HADHB: variants seen among roughly 807,000 people sequenced by gnomAD.
HADHB encodes the protein trifunctional enzyme subunit beta, mitochondrial.
HADHB carries 50 observed loss-of-function variants against 61.9 expected under a neutral mutation model. The observed-to-expected ratio is 0.81, with a 90% CI of 0.64 to 1.02. The LOEUF (loss-of-function observed/expected upper bound fraction) is 1.02. Ranked by LOEUF, HADHB falls within the 50% of genes least tolerant of loss-of-function variation. HADHB has a pLI of 0.00. For synonymous variants in HADHB, 191 were observed against 201.6 expected, an observed-to-expected ratio of 0.95 and a Z score of 0.45; for missense variants, 504 against 586.5, an observed-to-expected ratio of 0.86 and a Z score of 1.45.
chr2:26,289,978 G>A lies in HADHB; in HGVS notation c.*25G>A. The A allele has an allele frequency of 6.5e-7, 1 of 1,539,448 alleles. No individual in the cohort carries two copies. The highest frequency in any genetic ancestry group is 9.0e-7 in the Non-Finnish European group (1 of 1,112,222). ...ATAGATCCAGAAGAAGTGACCTGAA[G>A]TTTCTGTGCAACACTCACACTAGGC... is the stretch of plus-strand genomic sequence containing the variant. On this transcript the variant is annotated 3_prime_UTR_variant, in exon 16 of 16. Transcript: ENST00000317799.
intron 6 of HADHB, among the ~76,000 whole-genome samples, chr2:26,274,409 A>G (rs1006166230): frequency 6.6e-6 from 1 of 152,204 alleles, no homozygotes; most frequent in Non-Finnish European, 1.5e-5. Context: ...ATTTCATTGT[A>G]CTCAGTATTT....
chr2:26,245,983 C>A (rs1263862551), intron 1 of HADHB, among the ~76,000 whole-genome samples: 1 of 152,146 alleles, frequency 6.6e-6, no homozygotes, highest in Non-Finnish European at 1.5e-5. Flanking sequence ...AAACAAGGGG[C>A]ATCGAAGTTA....
At chr2:26,254,574 T>A (rs1309297201) in intron 3 of HADHB, 100 bp downstream of exon 3, 1 of 810,812 alleles carries the variant, frequency 1.2e-6, no homozygotes, top group African/African-American at 1.7e-5. Context: ...ATTTGCTAAT[T>A]CTCCCCTTTT....
rs540636162 is a variant in HADHB, at chr2:26,279,177, C to A, written c.673C>A (p.His225Asn). ...SEFSTSETMG[H>N]SADRLAAAFA... The stretch of plus-strand genomic sequence containing the variant: ...GTTCTCCACCAGTGAGACCATGGGC[C>A]ACTCTGCAGACCGACTGGCCGCTGC... The change falls in exon 9 of 16, where the codon CAC becomes AAC. Residue 225 changes from histidine (H) to asparagine (N), a missense_variant. By Grantham distance (68) the His-to-Asn change is moderately conservative. Coordinates refer to ENST00000317799, the MANE Select transcript of HADHB (RefSeq NM_000183.3). 7.4e-6 allele frequency: 12 copies of A among 1,614,034 alleles called. No individual in the cohort carries two copies. In the South Asian group the frequency reaches 1.2e-4, roughly 16 times the overall value.
At chr2:26,254,224 T>A (rs778448312) in intron 1 of HADHB, 23 bp from the exon 2 acceptor site, 1 of 1,030,214 alleles carries the variant, frequency 9.7e-7, no homozygotes. Flanking sequence ...ATCCAGGATA[T>A]ACTTTTGTTC....
At position 26,284,930 on chromosome 2, in the gene HADHB, A is replaced by C. The variant is rs762577897; in HGVS notation, c.1197A>C (p.Ala399=). 2 of 1,591,768 alleles carry C rather than the reference A, an allele frequency of 1.3e-6. No homozygotes were observed. Among genetic ancestry groups the C allele is most frequent in the Admixed American group, 1.7e-5 (1 of 59,992 alleles). ...NFKAMDSDWF[A]ENYMGRKTKV... ...AAGCCATGGATTCTGATTGGTTTGC[A>C]GAAAACTACATGGGTAGAAAAACCA... The change falls in exon 14 of 16, where the codon GCA becomes GCC. Residue 399 remains alanine (A), a synonymous_variant. Coordinates refer to ENST00000317799, the MANE Select transcript of HADHB (RefSeq NM_000183.3).
At chr2:26,283,368 C>CA (rs1441027685) in intron 12 of HADHB, among the ~76,000 whole-genome samples, 3 of 151,918 alleles carry the variant, frequency 2.0e-5, no homozygotes, top group Admixed American at 6.6e-5. Flanking sequence ...ACTAAAAATA[C>CA]AAAAAATTAG....
chr2:26,249,021 C>A (rs1404343490), intron 1 of HADHB, among the ~76,000 whole-genome samples: 1 of 150,038 alleles, frequency 6.7e-6, no homozygotes, highest in Non-Finnish European at 1.5e-5. Flanking sequence ...CGCGCCATTG[C>A]ACTCCAACCT....
rs1672652689 is a variant in HADHB, at chr2:26,278,617, T to C, written c.446T>C (p.Val149Ala). ...AAGTATAACCTGTGCCCTGTAGGTG[T>C]TGGCTTGATTGCTTCTGGCCAGTGT... ...ISANQAMTTGVGLIASGQCDV... is the reference protein window; with the variant it reads ...ISANQAMTTGAGLIASGQCDV... The change falls in exon 8 of 16, where the codon GTT becomes GCT. Residue 149 changes from valine to alanine, a missense_variant. Val to Ala is a moderately conservative substitution (Grantham distance 64). Transcript: ENST00000317799. The C allele has an allele frequency of 2.5e-6, 4 of 1,613,394 alleles. No homozygotes were observed. Among genetic ancestry groups the C allele is most frequent in the African/African-American group, 1.3e-5 (1 of 74,922 alleles).
intron 15 of HADHB, among the ~76,000 whole-genome samples, chr2:26,289,080 C>G (rs1673158517): frequency 6.6e-6 from 1 of 151,978 alleles, no homozygotes; most frequent in Admixed American, 6.6e-5. Flanking sequence ...GAAACCCCAT[C>G]TCTACTAAAA....
intron 12 of HADHB, among the ~76,000 whole-genome samples, chr2:26,283,803 G>A (rs1364718564): frequency 2.0e-5 from 3 of 152,138 alleles, no homozygotes; most frequent in South Asian, 2.1e-4. Flanking sequence ...CCACTGTGAC[G>A]TTCACATCAG....
intron 1 of HADHB, among the ~76,000 whole-genome samples, chr2:26,246,465 G>A (rs1343925902): frequency 1.3e-5 from 2 of 151,412 alleles, no homozygotes; most frequent in Admixed American, 6.6e-5. Flanking sequence ...TCAGGCTCCC[G>A]AGTAGCTGGG....
At chr2:26,254,341 ATT>A in intron 2 of HADHB, 23 bp downstream of exon 2, 1 of 1,486,488 alleles carries the variant, frequency 6.7e-7, no homozygotes, top group Non-Finnish European at 9.4e-7. Context: ...TTATTTTTTT[ATT>A]TTTAGAGATT....
chr2:26,274,107 T>G (rs544622490), intron 6 of HADHB, among the ~76,000 whole-genome samples: 15 of 152,362 alleles, frequency 9.8e-5, no homozygotes, highest in African/African-American at 3.4e-4. Flanking sequence ...AATTTCAACA[T>G]GTTGCAGAGA....
chr2:26,273,898 A>G, intron 6 of HADHB, 148 bp downstream of exon 6: 1 of 654,260 alleles, frequency 1.5e-6, no homozygotes, highest in Non-Finnish European at 2.8e-6. Flanking sequence ...GTAATGTGTT[A>G]TTTAATATGT....
At chr2:26,288,467 G>T (rs1366542162) in intron 15 of HADHB, among the ~76,000 whole-genome samples, 1 of 151,920 alleles carries the variant, frequency 6.6e-6, no homozygotes, top group African/African-American at 2.4e-5. Context: ...CTAGCACTTT[G>T]GGAGGCTGAG....
intron 3 of HADHB, 103 bp downstream of exon 3, chr2:26,254,577 C>T: frequency 3.8e-6 from 3 of 797,450 alleles, no homozygotes; most frequent in Non-Finnish European, 6.6e-6. Context: ...TGCTAATTCT[C>T]CCCTTTTTAT....
chr2:26,271,979 G>A, intron 5 of HADHB, among the ~76,000 whole-genome samples: 1 of 152,088 alleles, frequency 6.6e-6, no homozygotes, highest in Non-Finnish European at 1.5e-5. Context: ...GAGTGCAGTT[G>A]CTTGATCATA....
chr2:26,285,912 A>G (rs569047412), intron 15 of HADHB, among the ~76,000 whole-genome samples: 1 of 151,034 alleles, frequency 6.6e-6, no homozygotes, highest in South Asian at 2.1e-4. Context: ...TAATTTTTGT[A>G]TTTTTAGTAG....
Sources: allele counts gnomAD v4.1 joint callset (sites outside exome capture counted in the v4.1 genomes callset), GRCh38; gene constraint gnomAD v4.1.1; transcripts MANE v1.5; gene names NCBI Gene and HGNC (gene_info 2026-07-23, HGNC 2026-07-21).